Variants in CPLANE1 observed in about 807,000 individuals in gnomAD.
CPLANE1 encodes the protein ciliogenesis and planar polarity effector 1.
A neutral mutation model predicts 362.5 loss-of-function variants in CPLANE1; 263 were observed. The ratio of observed to expected loss-of-function variants is 0.73; its 90% CI spans 0.66 to 0.80. The LOEUF is 0.80. Among genes scored for constraint, CPLANE1 ranks in the 30% least tolerant of loss-of-function variants. CPLANE1 has a pLI of 0.00. For synonymous variants in CPLANE1, 1,212 were observed against 1,302.6 expected (o/e 0.93, Z 1.50); for missense variants, 3,461 against 3,793.4 (o/e 0.91, Z 2.30).
At chr5:37,228,555 G>T (rs575814621) in intron 9 of CPLANE1, among the ~76,000 whole-genome samples, 2 of 152,114 alleles carry the variant, frequency 1.3e-5, no homozygotes, top group East Asian at 1.9e-4. Context: ...AGATGTAAAA[G>T]ATATACTGTG....
intron 18 of CPLANE1, among the ~76,000 whole-genome samples, chr5:37,202,602 A>G (rs2150076401): frequency 6.6e-6 from 1 of 152,322 alleles, no homozygotes; most frequent in East Asian, 1.9e-4. Context: ...ACATGTCCCA[A>G]AAGGCAAAAT....
At chr5:37,084,765 T>C in the CPLANE1 span, among the ~76,000 whole-genome samples, 2 of 151,684 alleles carry the variant, frequency 1.3e-5, no homozygotes, top group Non-Finnish European at 2.9e-5. Flanking sequence ...AGCGAGACTC[T>C]GTCTTTAAAA....
chr5:37,198,357 C>G (rs1211424222), intron 20 of CPLANE1, among the ~76,000 whole-genome samples: 1 of 151,912 alleles, frequency 6.6e-6, no homozygotes, highest in Non-Finnish European at 1.5e-5. Flanking sequence ...GAAGGCCCCA[C>G]AGAACACAGA....
At chr5:37,219,195 C>T (rs1312043749) in intron 15 of CPLANE1, among the ~76,000 whole-genome samples, 1 of 151,894 alleles carries the variant, frequency 6.6e-6, no homozygotes, top group Non-Finnish European at 1.5e-5. Context: ...GCGCAATATA[C>T]CAAGACTCAT....
intron 21 of CPLANE1, among the ~76,000 whole-genome samples, chr5:37,195,217 G>C (rs1263799679): frequency 4.0e-5 from 6 of 151,756 alleles, no homozygotes; most frequent in Non-Finnish European, 8.8e-5. Context: ...GATTAAGGAA[G>C]GATTAAGGAG....
intron 48 of CPLANE1, 68 bp from the exon 49 acceptor site, chr5:37,121,852 A>T: frequency 7.9e-7 from 1 of 1,267,712 alleles, no homozygotes; most frequent in Non-Finnish European, 1.1e-6. Context: ...GAGGGAATAT[A>T]GTGTTTGAAG....
intron 30 of CPLANE1, 82 bp from the exon 31 acceptor site, chr5:37,176,068 T>C (rs1352410445): frequency 1.2e-6 from 1 of 868,018 alleles, no homozygotes; most frequent in Non-Finnish European, 1.9e-6. Flanking sequence ...TGCTCAGCCA[T>C]CTAAGAGTCT....
chr5:37,125,151 A>T, intron 47 of CPLANE1, 93 bp downstream of exon 47: 2 of 1,437,374 alleles, frequency 1.4e-6, no homozygotes, highest in South Asian at 2.8e-5. Flanking sequence ...TTACAAATGT[A>T]TCCAAATTAT....
chr5:37,192,692 G>A lies in CPLANE1; in HGVS notation c.3811+3166C>T, dbSNP rs539624736. On this transcript the variant is annotated intron_variant, in intron 21 of 52. Transcript: ENST00000651892. ...ATCCTGGCTAACACGGTGAAACCCC[G>A]TCTCTACTAAAAATACAAAAAATTA... is the stretch of plus-strand genomic sequence containing the variant. Among the ~76,000 whole-genome samples the A allele has an allele frequency of 3.3e-3, 496 of 150,348 alleles. 1 individual carries two copies. Among genetic ancestry groups the A allele is most frequent in the Non-Finnish European group, 5.0e-3 (339 of 67,640 alleles).
At chr5:37,085,679 G>A in the CPLANE1 span, 18 of 1,124,564 alleles carry the variant, frequency 1.6e-5, no homozygotes, top group Middle Eastern at 1.9e-4. Flanking sequence ...ATCTTTTGAC[G>A]TGGTTCACAT....
At chr5:37,185,809 T>C (rs1444533370) in intron 24 of CPLANE1, among the ~76,000 whole-genome samples, 3 of 152,214 alleles carry the variant, frequency 2.0e-5, no homozygotes, top group Non-Finnish European at 4.4e-5. Flanking sequence ...TTTTATATTA[T>C]ATGCATTTTA....
intron 42 of CPLANE1, 151 bp from the exon 43 acceptor site, chr5:37,148,419 TA>T: frequency 2.1e-6 from 1 of 477,472 alleles, no homozygotes; most frequent in East Asian, 3.3e-5. Flanking sequence ...TAGGGATCAA[TA>T]AAACAGAGGA....
intron 41 of CPLANE1, among the ~76,000 whole-genome samples, chr5:37,154,713 G>A (rs1450597150): frequency 1.3e-5 from 2 of 151,662 alleles, no homozygotes; most frequent in African/African-American, 4.9e-5. Context: ...TACTTCCTGG[G>A]CTGCCAGCCT....
At chr5:37,149,802 G>C (rs944114923) in intron 42 of CPLANE1, among the ~76,000 whole-genome samples, 1 of 152,160 alleles carries the variant, frequency 6.6e-6, no homozygotes, top group African/African-American at 2.4e-5. Context: ...TAAGGGCTTT[G>C]AGCAAATGCT....
At chr5:37,079,893 G>A in the CPLANE1 span, among the ~76,000 whole-genome samples, 1 of 151,986 alleles carries the variant, frequency 6.6e-6, no homozygotes, top group Non-Finnish European at 1.5e-5. Context: ...AATGGAAAAT[G>A]GTATAAGCTA....
In CPLANE1 at chr5:37,170,349, T is replaced by C. The variant is rs769446298; in HGVS notation, c.6172-18A>G. The C allele has an allele frequency of 6.3e-7, 1 of 1,595,036 alleles. No homozygotes were observed. The highest frequency in any genetic ancestry group is 1.7e-5 in the Admixed American group (1 of 57,256). On this transcript the variant is annotated intron_variant, in intron 32 of 52. Transcript: ENST00000651892. Reference sequence around the variant, plus strand: ...TGTTGCAGCTTGAATAAAACAAAAATTGAAGCGATATCTTAAAATATAACA... The same window carrying C: ...TGTTGCAGCTTGAATAAAACAAAAACTGAAGCGATATCTTAAAATATAACA...
chr5:37,183,572 C>T lies in CPLANE1; in HGVS notation c.4609G>A (p.Val1537Ile), dbSNP rs563406970. 1 of 1,612,926 alleles carries T rather than the reference C, an allele frequency of 6.2e-7. No homozygotes were observed. Among genetic ancestry groups the T allele is most frequent in the African/African-American group, 1.3e-5 (1 of 75,018 alleles). ...HEKLSQNTLP[V>I]IGVWEFERDD... ...CGTTCAAATTCCCAAACACCTATTA[C>T]AGGAAGTGTATTTTGTGATAACTTT... The change falls in exon 26 of 53, where the codon GTA (valine) becomes ATA (isoleucine). Residue 1537 changes from valine (V) to isoleucine (I), a missense_variant. Coordinates refer to ENST00000651892, the MANE Select transcript of CPLANE1 (RefSeq NM_001384732.1).
Position 37,141,540 on chromosome 5 carries a change from T to C in CPLANE1, c.8632+770A>G, listed in dbSNP as rs188170461. ...ACAAGATTTAAAGTCAGCTTCTTAA[T>C]AGGTTTTCTTTTATTTAAGTAACAG... On this transcript the variant is annotated intron_variant, in intron 44 of 52. Coordinates refer to ENST00000651892, the MANE Select transcript of CPLANE1 (RefSeq NM_001384732.1). 1.4e-3 allele frequency: 1,334 copies of C among 979,378 alleles called. 12 individuals carry two copies. The African/African-American group carries it at 0.022, about 16-fold the overall frequency. 60.7% of individuals were successfully genotyped at this position (979,378 alleles called of 1,614,324 possible).
chr5:37,141,911 T>C (rs370080578), intron 44 of CPLANE1: 1 of 583,750 alleles, frequency 1.7e-6, no homozygotes, highest in African/African-American at 2.0e-5. Flanking sequence ...AACCAGAATC[T>C]ATGCATATAA....
Sources: gnomAD v4.1 joint callset for allele counts (sites outside exome capture counted in the v4.1 genomes callset) on GRCh38, gnomAD v4.1.1 for gene constraint, MANE v1.5 for transcripts, NCBI Gene and HGNC (gene_info 2026-07-23, HGNC 2026-07-21) for gene names.